PEX5L: variants seen among roughly 807,000 people sequenced by gnomAD.
The protein encoded by PEX5L is peroxisomal biogenesis factor 5 like, also known as PEX5-related protein.
PEX5L carries 30 observed loss-of-function variants against 84.0 expected under a neutral mutation model. That is an observed-to-expected ratio of 0.36 (90% CI 0.27 to 0.48). The LOEUF is 0.48. Ranked by LOEUF, PEX5L falls within the 20% of genes least tolerant of loss-of-function variation. The pLI is 0.99. For missense variants in PEX5L, 533 were observed against 754.6 expected (o/e 0.71, Z 3.44); for synonymous variants, 270 against 283.1 (o/e 0.95, Z 0.46).
intron 8 of PEX5L, among the ~76,000 whole-genome samples, chr3:179,823,190 A>C (rs1341827647): frequency 1.3e-5 from 2 of 152,218 alleles, no homozygotes; most frequent in Non-Finnish European, 2.9e-5. Context: ...TGGTGTTTTC[A>C]TCTGCTGTAA....
intron 8 of PEX5L, among the ~76,000 whole-genome samples, chr3:179,841,546 A>G (rs1277547795): frequency 6.6e-6 from 1 of 152,206 alleles, no homozygotes; most frequent in Non-Finnish European, 1.5e-5. Context: ...GAAGGCAGAG[A>G]TGGTGTCTCT....
At chr3:179,917,186 T>C (rs532494210) in intron 2 of PEX5L, among the ~76,000 whole-genome samples, 114 of 152,226 alleles carry the variant, frequency 7.5e-4, no homozygotes, top group Non-Finnish European at 1.4e-3. Context: ...GGTCAGGATC[T>C]TCAGTGTCAC....
chr3:180,036,439 A>G, intron 1 of PEX5L, 140 bp downstream of exon 1: 1 of 843,874 alleles, frequency 1.2e-6, no homozygotes, highest in South Asian at 1.4e-5. Context: ...GCAGCACCGG[A>G]CAGAAATGTC....
intron 8 of PEX5L, among the ~76,000 whole-genome samples, chr3:179,849,813 C>T (rs1239214091): frequency 6.6e-6 from 1 of 152,234 alleles, no homozygotes; most frequent in African/African-American, 2.4e-5. Flanking sequence ...GATGAGATCA[C>T]ATCCAGAATG....
intron 8 of PEX5L, among the ~76,000 whole-genome samples, chr3:179,839,858 CTTTTTGTTTG>C (rs767200124): frequency 1.5e-4 from 23 of 152,130 alleles, no homozygotes; most frequent in Non-Finnish European, 2.5e-4. Flanking sequence ...TATGGAAGTT[CTTTTTGTTTG>C]TTTTTGTTTG....
chr3:180,028,588 G>A (rs903370082), intron 1 of PEX5L, among the ~76,000 whole-genome samples: 5 of 152,180 alleles, frequency 3.3e-5, no homozygotes, highest in Non-Finnish European at 5.9e-5. Context: ...GAATTATGGT[G>A]TAATGAAAAT....
At chr3:179,952,070 G>C (rs1779230006) in intron 2 of PEX5L, among the ~76,000 whole-genome samples, 2 of 152,094 alleles carry the variant, frequency 1.3e-5, no homozygotes, top group Non-Finnish European at 2.9e-5. Context: ...GAATGCAAAA[G>C]TAATGCTTGC....
chr3:179,958,089 T>G (rs1489325129), intron 2 of PEX5L, among the ~76,000 whole-genome samples: 1 of 152,144 alleles, frequency 6.6e-6, no homozygotes, highest in African/African-American at 2.4e-5. Context: ...TACTTTTTTT[T>G]GGGAAGGAAA....
chr3:179,821,880 T>C (rs558111792), intron 8 of PEX5L, among the ~76,000 whole-genome samples: 41 of 152,300 alleles, frequency 2.7e-4, no homozygotes, highest in African/African-American at 9.6e-4. Context: ...GAAGAAATAA[T>C]GAGGGATGTT....
At chr3:179,807,160 G>A (rs944258073) in intron 14 of PEX5L, among the ~76,000 whole-genome samples, 2 of 152,138 alleles carry the variant, frequency 1.3e-5, no homozygotes, top group African/African-American at 4.8e-5. Flanking sequence ...GCCCAGTTGT[G>A]TTTTTTCTTT....
intron 7 of PEX5L, among the ~76,000 whole-genome samples, chr3:179,862,284 T>A (rs1746480269): frequency 6.6e-6 from 1 of 152,222 alleles, no homozygotes; most frequent in Non-Finnish European, 1.5e-5. Flanking sequence ...TGTAATTTAA[T>A]CATGTATTTT....
chr3:179,871,106 T>C (rs1356342273), intron 7 of PEX5L, among the ~76,000 whole-genome samples: 7 of 146,142 alleles, frequency 4.8e-5, no homozygotes, highest in East Asian at 2.0e-4. Flanking sequence ...TATACTTTTT[T>C]TTTTTTTTTT....
In PEX5L at chr3:179,819,974, T is replaced by C. The variant is rs142055968; in HGVS notation, c.825A>G (p.Ser275=). The change falls in exon 9 of 15, where the codon TCA becomes TCG. Residue 275 remains serine (S), a splice_region_variant and synonymous_variant. Coordinates refer to ENST00000467460, the MANE Select transcript of PEX5L (RefSeq NM_016559.3). ...EFERAKAAVE[S]DTEFWDKMQA... ...GCATCTTATCCCAAAACTCTGTATC[T>C]GACTGGGAGACAGGAAAAATGAATG... is the stretch of plus-strand genomic sequence containing the variant. The C allele has an allele frequency of 8.4e-5, 135 of 1,612,382 alleles. 2 individuals are homozygous for C. In the African/African-American group the frequency reaches 1.3e-3, roughly 16 times the overall value.
intron 2 of PEX5L, among the ~76,000 whole-genome samples, chr3:179,951,245 A>G (rs906080258): frequency 1.3e-5 from 2 of 152,194 alleles, no homozygotes; most frequent in African/African-American, 4.8e-5. Flanking sequence ...TATTTTTGTC[A>G]GTTTGAGTGT....
rs1716561894 is a variant in PEX5L, at chr3:179,795,458, G to A, written c.*6370C>T. 1 of 152,010 alleles carries A rather than the reference G, an allele frequency of 6.6e-6. No homozygotes were observed. Among genetic ancestry groups the A allele is most frequent in the African/African-American group, 2.4e-5 (1 of 41,384 alleles). The allele number at this position is 152,010 out of a possible 1,614,324, so 9.4% of individuals were successfully genotyped here. On this transcript the variant is annotated 3_prime_UTR_variant, in exon 15 of 15. Coordinates refer to ENST00000467460, the MANE Select transcript of PEX5L (RefSeq NM_016559.3). Reference sequence around the variant, plus strand: ...AATTTTATTTCAAAGAGCAACGCAGGGAAATACTAAGATGAAGCCTTAATA... The same window carrying A: ...AATTTTATTTCAAAGAGCAACGCAGAGAAATACTAAGATGAAGCCTTAATA...
chr3:179,894,078 AT>A (rs771571808), intron 3 of PEX5L, among the ~76,000 whole-genome samples: 14 of 152,010 alleles, frequency 9.2e-5, no homozygotes, highest in Non-Finnish European at 1.5e-4. Flanking sequence ...GACATTGTTA[AT>A]TTAAAGTCAT....
At chr3:179,994,719 G>A (rs1280502317) in intron 1 of PEX5L, among the ~76,000 whole-genome samples, 1 of 152,088 alleles carries the variant, frequency 6.6e-6, no homozygotes, top group Non-Finnish European at 1.5e-5. Flanking sequence ...GTGAGTCAGT[G>A]GGCTGGGAAA....
chr3:179,912,123 A>ATC (rs1162727420), intron 2 of PEX5L, among the ~76,000 whole-genome samples: 1 of 152,144 alleles, frequency 6.6e-6, no homozygotes, highest in Admixed American at 6.5e-5. Flanking sequence ...GATTGCCTGT[A>ATC]TCTCTCTATC....
intron 3 of PEX5L, among the ~76,000 whole-genome samples, chr3:179,890,967 A>T (rs1375926955): frequency 4.2e-5 from 6 of 143,562 alleles, no homozygotes; most frequent in African/African-American, 7.7e-5. Context: ...AGGTAAAAAA[A>T]TTTTTTTTTT....
Sources: gnomAD v4.1 joint callset for allele counts (sites outside exome capture counted in the v4.1 genomes callset) on GRCh38, gnomAD v4.1.1 for gene constraint, MANE v1.5 for transcripts, NCBI Gene and HGNC (gene_info 2026-07-23, HGNC 2026-07-21) for gene names.